Variants in OTOG observed in about 807,000 individuals in gnomAD.
OTOG encodes otogelin.
A neutral mutation model predicts 313.8 loss-of-function variants in OTOG; 296 were observed. That is an observed-to-expected ratio of 0.94 (90% confidence interval 0.86 to 1.04). The LOEUF (loss-of-function observed/expected upper bound fraction) is 1.04, where lower values mean the gene tolerates loss of function less well. OTOG is among the 50% of genes least tolerant of loss of function. OTOG has a pLI of 0.00. For missense variants in OTOG, 3,948 were observed against 3,840.1 expected (o/e 1.03, Z -0.74); for synonymous variants, 1,533 against 1,554.9 (o/e 0.99, Z 0.33).
intron 39 of OTOG, among the ~76,000 whole-genome samples, chr11:17,626,170 C>CTTTG (rs762913727): frequency 6.6e-6 from 1 of 151,916 alleles, no homozygotes. Flanking sequence ...ATGTCTGTTT[C>CTTTG]TTTGTTTGTT....
At chr11:17,613,728 A>C (rs2134099812) in intron 39 of OTOG, 27 bp downstream of exon 39, 1 of 1,505,864 alleles carries the variant, frequency 6.6e-7, no homozygotes, top group East Asian at 2.6e-5. Context: ...GCCAGCCTCC[A>C]GGGCAGGGCC....
chr11:17,555,798 G>A lies in OTOG; in HGVS notation c.560G>A (p.Cys187Tyr). The A allele has an allele frequency of 6.4e-7, 1 of 1,550,566 alleles. No individual in the cohort carries two copies. Among genetic ancestry groups the A allele is most frequent in the Non-Finnish European group, 8.7e-7 (1 of 1,147,010 alleles). ...ACTCAGGTACACAATGACCCGCAGT[G>A]TGGCTCTTCACCCTACACCTGCTCC... ...FSIQVHNDPQ[C>Y]GSSPYTCSRA... Residue 187 changes from cysteine (C) to tyrosine (Y), a missense_variant, in exon 7 of 56, where the codon TGT becomes TAT. Physicochemically the swap from Cys to Tyr is radical, Grantham distance 194. Transcript: ENST00000399397.
At chr11:17,632,262 C>T in intron 42 of OTOG, 36 bp downstream of exon 42, 1 of 1,530,024 alleles carries the variant, frequency 6.5e-7, no homozygotes, top group Non-Finnish European at 8.8e-7. Context: ...TCCATTGTGA[C>T]TATTGTTCCC....
chr11:17,637,463 T>C (rs1421829500), intron 47 of OTOG, among the ~76,000 whole-genome samples: 2 of 152,216 alleles, frequency 1.3e-5, no homozygotes, highest in South Asian at 2.1e-4. Flanking sequence ...TTCCCGCTTC[T>C]GGACTTCACC....
At chr11:17,593,449 G>A in intron 26 of OTOG, 122 bp downstream of exon 26, 1 of 1,429,376 alleles carries the variant, frequency 7.0e-7, no homozygotes, top group Non-Finnish European at 9.4e-7. Context: ...CACTGAGTTA[G>A]GAGCCCAGAC....
At chr11:17,621,293 G>C (rs1853857899) in intron 39 of OTOG, among the ~76,000 whole-genome samples, 1 of 152,132 alleles carries the variant, frequency 6.6e-6, no homozygotes, top group Non-Finnish European at 1.5e-5. Context: ...TTTAAGCTTT[G>C]TTAGGTAAAG....
intron 22 of OTOG, 177 bp from the exon 23 acceptor site, chr11:17,578,196 A>T: frequency 1.5e-6 from 2 of 1,344,864 alleles, no homozygotes; most frequent in Non-Finnish European, 1.9e-6. Flanking sequence ...CAGACAGCAC[A>T]CATCTACCCC....
Position 17,553,112 on chromosome 11 carries a change from C to T in OTOG, c.293-7C>T. On this transcript the variant is annotated splice_polypyrimidine_tract_variant and splice_region_variant and intron_variant, in intron 4 of 55. Coordinates refer to ENST00000399397, the MANE Select transcript of OTOG (RefSeq NM_001292063.2). ...GATGGGGCAATGACTCTGTGTCTCCCATGCAGACTTGTTCTCCTGCTTCAA... is the reference window on the plus strand; with the variant it reads ...GATGGGGCAATGACTCTGTGTCTCCTATGCAGACTTGTTCTCCTGCTTCAA... The T allele has an allele frequency of 6.5e-7, 1 of 1,550,372 alleles. No individual in the cohort carries two copies. Among genetic ancestry groups the T allele is most frequent in the Non-Finnish European group, 8.7e-7 (1 of 1,146,892 alleles).
chr11:17,586,556 C>G lies in OTOG; in HGVS notation c.2842C>G (p.Gln948Glu), dbSNP rs1462609480. The change falls in exon 24 of 56, where the codon CAG becomes GAG. Residue 948 changes from glutamine (Q) to glutamate (E), a missense_variant. Gln to Glu is a conservative substitution (Grantham distance 29, BLOSUM62 2). Transcript: ENST00000399397. ...WKGKEYFPGDQVMSPCHTCVC... is the reference protein window; with the variant it reads ...WKGKEYFPGDEVMSPCHTCVC... ...GGGGAAGGAGTATTTCCCTGGGGAC[C>G]AGGTGATGTCTCCTTGCCATACCTG... is the stretch of plus-strand genomic sequence containing the variant. 4 of 1,418,616 alleles carry G rather than the reference C, an allele frequency of 2.8e-6. No homozygotes were observed. In the Admixed American group the frequency reaches 8.9e-5, roughly 32 times the overall value. 87.9% of individuals were successfully genotyped at this position (1,418,616 alleles called of 1,614,324 possible). A position where few individuals can be genotyped will look rare whatever the true frequency, so the allele number is the denominator to read the frequency against.
chr11:17,645,494 G>A, intron 54 of OTOG, 70 bp from the exon 55 acceptor site: 2 of 1,437,174 alleles, frequency 1.4e-6, no homozygotes, highest in Non-Finnish European at 1.9e-6. Flanking sequence ...ACTGCCCTGG[G>A]CTGGCCCATC....
At position 17,593,739 on chromosome 11, in the gene OTOG, G is replaced by A. The variant is rs1292854291; in HGVS notation, c.3271G>A (p.Ala1091Thr). 2 of 1,548,458 alleles carry A rather than the reference G, an allele frequency of 1.3e-6. No homozygotes were observed. Among genetic ancestry groups the A allele is most frequent in the East Asian group, 2.4e-5 (1 of 40,928 alleles). The change falls in exon 27 of 56, where the codon GCT (alanine) becomes ACT (threonine). Residue 1091 changes from alanine (A) to threonine (T), a missense_variant. Ala to Thr is a moderately conservative substitution (Grantham distance 58). Transcript: ENST00000399397. Reference protein sequence around the residue: ...WDQRTTVHVQAGPQWQGQLAG... With the variant: ...WDQRTTVHVQTGPQWQGQLAG... The stretch of plus-strand genomic sequence containing the variant: ...CCAGAGAACCACAGTGCACGTCCAG[G>A]CTGGGCCTCAGTGGCAGGTACTTAC...
In OTOG at chr11:17,606,065, C is replaced by T. The variant is rs1372800298; in HGVS notation, c.4086C>T (p.Gly1362=). The T allele has an allele frequency of 2.6e-6, 4 of 1,550,382 alleles. No homozygotes were observed. The highest frequency in any genetic ancestry group is 2.6e-6 in the Non-Finnish European group (3 of 1,146,954). Residue 1362 remains glycine, a synonymous_variant, in exon 33 of 56, where the codon GGC becomes GGT. Transcript: ENST00000399397. ...CCAGCTCCTTCCTCTATGTGTCGGG[C>T]GCGGTGCTGGCCCTGCGGCTGTACG... The part of the protein sequence containing the change: ...AKPSSFLYVS[G]AVLALRLYEH...
chr11:17,581,439 G>A (rs76025631), intron 23 of OTOG, among the ~76,000 whole-genome samples: 4,187 of 152,224 alleles, frequency 0.028, 83 homozygotes, highest in South Asian at 0.079. Context: ...GGAGACATTC[G>A]CCTCCCAGCT....
Position 17,573,180 on chromosome 11 carries a change from A to T in OTOG, c.2183A>T (p.Asp728Val), listed in dbSNP as rs1852442977. Reference sequence around the variant, plus strand: ...CCCTACTTTGAGCAGTGCCGCAGGGATGCCTGCCGCTGCGGGCAGCCCTGC... The same window carrying T: ...CCCTACTTTGAGCAGTGCCGCAGGGTTGCCTGCCGCTGCGGGCAGCCCTGC... The part of the protein sequence containing the change: ...PVPYFEQCRR[D>V]ACRCGQPCLC... The change falls in exon 19 of 56, where the codon GAT (aspartate) becomes GTT (valine). Residue 728 changes from aspartate to valine, a missense_variant. Coordinates refer to ENST00000399397, the MANE Select transcript of OTOG (RefSeq NM_001292063.2). 6.5e-7 allele frequency: 1 copy of T among 1,541,430 alleles called. No homozygotes were observed. Among genetic ancestry groups the T allele is most frequent in the Non-Finnish European group, 8.7e-7 (1 of 1,146,844 alleles).
rs1029885514 is a variant in OTOG at position 17,569,671 on chromosome 11, C to G, written c.1777+383C>G. Among the ~76,000 whole-genome samples, 6 of 152,146 alleles carry G rather than the reference C, an allele frequency of 3.9e-5. No homozygotes were observed. In the South Asian group the frequency reaches 8.3e-4, roughly 21 times the overall value. ...AAACGATTAAGAAATAAAAACCTAG[C>G]ACCAGAAAGAAAGAAAAACAACAAC... On this transcript the variant is annotated intron_variant, in intron 16 of 55. Coordinates refer to ENST00000399397, the MANE Select transcript of OTOG (RefSeq NM_001292063.2).
chr11:17,554,065 T>C (rs1183978767), intron 6 of OTOG, among the ~76,000 whole-genome samples: 1 of 152,116 alleles, frequency 6.6e-6, no homozygotes, highest in Non-Finnish European at 1.5e-5. Flanking sequence ...TAGGAGAGTG[T>C]GGGCAGACTT....
rs1017871410 is a variant in OTOG, at chr11:17,574,773, C to T, written c.2347C>T (p.Arg783Cys). The change falls in exon 20 of 56, where the codon CGT becomes TGT. Residue 783 changes from arginine (R) to cysteine (C), a missense_variant. By Grantham distance (180) the Arg-to-Cys change is radical. Transcript: ENST00000399397. ...TAGCCCCTGCGTGGCCCCGTGTGGA[C>T]GTACCTGCCAGGACCTGGCCAGCCC... ...EYSPCVAPCG[R>C]TCQDLASPEA... 5.8e-6 allele frequency: 9 copies of T among 1,550,556 alleles called. No individual in the cohort carries two copies. Among genetic ancestry groups the T allele is most frequent in the Admixed American group, 3.9e-5 (2 of 50,984 alleles).
At chr11:17,597,150 G>A (rs1173937928) in intron 30 of OTOG, 143 bp downstream of exon 30, 1 of 1,113,378 alleles carries the variant, frequency 9.0e-7, no homozygotes, top group Non-Finnish European at 1.2e-6. Flanking sequence ...GTTATTCATT[G>A]AATTCTTACA....
At chr11:17,617,469 G>A (rs148330875) in intron 39 of OTOG, among the ~76,000 whole-genome samples, 371 of 152,202 alleles carry the variant, frequency 2.4e-3, no homozygotes, top group African/African-American at 8.4e-3. Flanking sequence ...TAAAACACAC[G>A]TTCAATTTCT....
Sources: gnomAD v4.1 joint callset for allele counts (sites outside exome capture counted in the v4.1 genomes callset) on GRCh38, gnomAD v4.1.1 for gene constraint, MANE v1.5 for transcripts, NCBI Gene and HGNC (gene_info 2026-07-23, HGNC 2026-07-21) for gene names.